The following NCAPD3 variants were observed in gnomAD, a reference collection of about 807,000 sequenced individuals.
NCAPD3 encodes condensin-2 complex subunit D3.
Under a neutral mutation model 182.9 loss-of-function variants are expected in NCAPD3, and 105 were observed. The ratio of observed to expected loss-of-function variants is 0.57; its 90% CI spans 0.49 to 0.68. NCAPD3 has a LOEUF of 0.68. NCAPD3 is among the 30% of genes least tolerant of loss of function. The pLI is 0.00. For synonymous variants in NCAPD3, 815 were observed against 679.9 expected (o/e 1.20, Z -3.09); for missense variants, 1,944 against 1,837.0 (o/e 1.06, Z -1.07).
At position 134,202,886 on chromosome 11, in the gene NCAPD3, CTGCCTT is replaced by C; in HGVS notation, c.1539_1544del (p.Arg514_Gln515del). ...CTGAGGGTTCGGAACGGTTAGATGT[CTGCCTT>C]TGGTAGGAAAAAGCTTTAAAAAAAA... On this transcript the variant is annotated inframe_deletion, in exon 13 of 35. Transcript: ENST00000534548. 6.2e-7 allele frequency: 1 copy of C among 1,603,782 alleles called. No individual in the cohort carries two copies. Among genetic ancestry groups the C allele is most frequent in the South Asian group, 1.1e-5 (1 of 88,236 alleles).
intron 27 of NCAPD3, among the ~76,000 whole-genome samples, chr11:134,164,217 C>T (rs936817301): frequency 1.3e-5 from 2 of 152,298 alleles, no homozygotes; most frequent in South Asian, 4.1e-4. Context: ...TTCTACACTT[C>T]CTGCCAACAA....
Position 134,206,690 on chromosome 11 carries a change from T to C in NCAPD3, c.925A>G (p.Met309Val), listed in dbSNP as rs1209104805. Reference protein sequence around the residue: ...VFHQMLSVILMLEVGEGSHRA... With the variant: ...VFHQMLSVILVLEVGEGSHRA... ...TGGGATCCTTCACCAACTTCTAACATTAATATTACACTGAGCATTTGATGG... is the reference window on the plus strand; with the variant it reads ...TGGGATCCTTCACCAACTTCTAACACTAATATTACACTGAGCATTTGATGG... The change falls in exon 8 of 35, where the codon ATG (methionine) becomes GTG (valine). Residue 309 changes from methionine (M) to valine (V), a missense_variant. Around this residue, in one of 3 missense-constraint regions of NCAPD3, gnomAD observed 1,803 missense variants for 1,674.6 expected, o/e 1.08. Transcript: ENST00000534548. The C allele has an allele frequency of 1.9e-6, 3 of 1,613,086 alleles. No homozygotes were observed. The highest frequency in any genetic ancestry group is 2.5e-6 in the Non-Finnish European group (3 of 1,179,530).
chr11:134,187,173 C>T (rs934958079), intron 16 of NCAPD3, among the ~76,000 whole-genome samples: 3 of 152,190 alleles, frequency 2.0e-5, no homozygotes, highest in Non-Finnish European at 2.9e-5. Flanking sequence ...TATCTTAGTA[C>T]CAAAACCAAC....
intron 27 of NCAPD3, among the ~76,000 whole-genome samples, chr11:134,167,110 T>A (rs35814611): frequency 0.12 from 5,049 of 41,680 alleles, 1,169 homozygotes; most frequent in African/African-American, 0.47. Flanking sequence ...TTGGGGGAGC[T>A]GCACACTCAC....
Position 134,152,762 on chromosome 11 carries a change from T to G in NCAPD3, c.*182A>C. On this transcript the variant is annotated 3_prime_UTR_variant, in exon 35 of 35. Transcript: ENST00000534548. Reference sequence around the variant, plus strand: ...GCACATCTCTATTATTTGACAGTGTTTAACCAAATACATCATACAGAATAG... The same window carrying G: ...GCACATCTCTATTATTTGACAGTGTGTAACCAAATACATCATACAGAATAG... The G allele has an allele frequency of 1.9e-6, 1 of 513,780 alleles. No individual in the cohort carries two copies. Among genetic ancestry groups the G allele is most frequent in the East Asian group, 3.0e-5 (1 of 33,478 alleles). 31.8% of individuals were successfully genotyped at this position (513,780 alleles called of 1,614,324 possible).
intron 13 of NCAPD3, among the ~76,000 whole-genome samples, chr11:134,198,333 A>C (rs920045450): frequency 6.6e-6 from 1 of 152,148 alleles, no homozygotes; most frequent in African/African-American, 2.4e-5. Flanking sequence ...AGACAAACTC[A>C]GCCAATTTTC....
Position 134,192,688 on chromosome 11 carries a change from C to T in NCAPD3, c.2045+1G>A. 6.2e-7 allele frequency: 1 copy of T among 1,612,460 alleles called. No individual in the cohort carries two copies. Among genetic ancestry groups the T allele is most frequent in the African/African-American group, 1.3e-5 (1 of 75,034 alleles). ...GAACACAGGTCATACAGTTAACCTACCTCAGTTCCTGGCTTTCGGTGGTGA... is the reference window on the plus strand; with the variant it reads ...GAACACAGGTCATACAGTTAACCTATCTCAGTTCCTGGCTTTCGGTGGTGA... On this transcript the variant is annotated splice_donor_variant, in intron 16 of 34. Transcript: ENST00000534548. LOFTEE classifies it high-confidence loss of function.
At chr11:134,207,069 C>T (rs1474551320) in intron 7 of NCAPD3, among the ~76,000 whole-genome samples, 1 of 152,122 alleles carries the variant, frequency 6.6e-6, no homozygotes, top group Non-Finnish European at 1.5e-5. Context: ...TACTAATGTT[C>T]CCTTATTCAA....
intron 24 of NCAPD3, chr11:134,173,372 T>C (rs896418929): frequency 6.5e-6 from 1 of 154,052 alleles, no homozygotes; most frequent in Non-Finnish European, 1.5e-5. Flanking sequence ...TGAGTGAGGC[T>C]GATGGGGAGC....
intron 7 of NCAPD3, among the ~76,000 whole-genome samples, chr11:134,207,815 A>T (rs1448253703): frequency 1.3e-5 from 2 of 151,420 alleles, no homozygotes; most frequent in South Asian, 2.1e-4. Flanking sequence ...TTTCCCACCT[A>T]TGTTATTGTT....
At chr11:134,224,253 T>G (rs1406577644), upstream of NCAPD3, 1 of 473,204 alleles carries the variant, frequency 2.1e-6, no homozygotes, top group African/African-American at 2.0e-5. Context: ...CTAAAGGGTA[T>G]CTGAGATAGG....
intron 1 of NCAPD3, chr11:134,223,208 T>C: frequency 1.8e-6 from 1 of 550,036 alleles, no homozygotes; most frequent in South Asian, 2.3e-5. Context: ...TCTGCAAAAG[T>C]GTGGGGGATG....
In NCAPD3 at chr11:134,152,103, G is replaced by T. The variant is rs904316741; in HGVS notation, c.*841C>A. 6.6e-6 allele frequency: 1 copy of T among 152,240 alleles called. No homozygotes were observed. Among genetic ancestry groups the T allele is most frequent in the Admixed American group, 6.5e-5 (1 of 15,286 alleles). 9.4% of individuals were successfully genotyped at this position (152,240 alleles called of 1,614,324 possible). Reference sequence around the variant, plus strand: ...TTCTGGATATTGTTGAACAAAAATAGCATTCAGTTTACCCACTAGTGCTAA... The same window carrying T: ...TTCTGGATATTGTTGAACAAAAATATCATTCAGTTTACCCACTAGTGCTAA... On this transcript the variant is annotated 3_prime_UTR_variant, in exon 35 of 35. Transcript: ENST00000534548.
intron 22 of NCAPD3, 34 bp downstream of exon 22, chr11:134,178,600 G>C (rs192395901): frequency 6.9e-7 from 1 of 1,458,992 alleles, no homozygotes; most frequent in South Asian, 1.4e-5. Flanking sequence ...CACACAGAAC[G>C]ATGTCAAGCC....
At chr11:134,181,504 G>C (rs1944296898) in intron 19 of NCAPD3, among the ~76,000 whole-genome samples, 1 of 152,120 alleles carries the variant, frequency 6.6e-6, no homozygotes, top group South Asian at 2.1e-4. Context: ...TAATAGTAGT[G>C]CTCCTCCAAA....
rs541249971 is a variant in NCAPD3 at position 134,183,224 on chromosome 11, T to A, written c.2451+1413A>T. On this transcript the variant is annotated intron_variant, in intron 19 of 34. Transcript: ENST00000534548. ...TCCCAGCTCTGCCGGTAGTAAGTTGTGTACCACTGAGCCTGGAAGGCTTGT... is the reference window on the plus strand; with the variant it reads ...TCCCAGCTCTGCCGGTAGTAAGTTGAGTACCACTGAGCCTGGAAGGCTTGT... 3 of 453,340 alleles carry A rather than the reference T, an allele frequency of 6.6e-6. No individual in the cohort carries two copies. In the East Asian group the frequency reaches 2.1e-4, roughly 32 times the overall value. 28.1% of individuals were successfully genotyped at this position (453,340 alleles called of 1,614,324 possible).
At chr11:134,209,581 G>T in intron 4 of NCAPD3, 104 bp from the exon 5 acceptor site, 1 of 1,100,596 alleles carries the variant, frequency 9.1e-7, no homozygotes, top group Non-Finnish European at 1.3e-6. Flanking sequence ...CCAGGCAGGA[G>T]CTGATGTTGA....
chr11:134,223,317 T>TGAG (rs1330182786), intron 1 of NCAPD3: 10 of 664,878 alleles, frequency 1.5e-5, no homozygotes, highest in Non-Finnish European at 2.5e-5. Context: ...GGGGCTGCCC[T>TGAG]GAGACACCTC....
chr11:134,155,326 C>T (rs1413693353), intron 32 of NCAPD3, among the ~76,000 whole-genome samples: 7 of 152,050 alleles, frequency 4.6e-5, no homozygotes, highest in East Asian at 1.9e-4. Context: ...AGAATCTGGA[C>T]GTATAAACCA....
Sources: gnomAD v4.1 joint callset for allele counts (sites outside exome capture counted in the v4.1 genomes callset) on GRCh38, gnomAD v4.1.1 for gene constraint, gnomAD v4.1.1 regional missense constraint, MANE v1.5 for transcripts, NCBI Gene and HGNC (gene_info 2026-07-23, HGNC 2026-07-21) for gene names.